Variants in HMSD observed in about 807,000 individuals in gnomAD.
HMSD encodes the protein serpin-like protein HMSD.
HMSD carries 13 observed loss-of-function variants against 10.0 expected under a neutral mutation model. The ratio of observed to expected loss-of-function variants is 1.31; its 90% CI spans 0.85 to 2.08. The LOEUF (loss-of-function observed/expected upper bound fraction) is 2.08, where lower values mean the gene tolerates loss of function less well. Ranked by LOEUF, HMSD falls within the 30% of genes most tolerant of loss-of-function variation. The pLI, the probability that HMSD is intolerant of heterozygous loss-of-function variation, is 0.00. For missense variants in HMSD, 169 were observed against 166.3 expected (o/e 1.02, Z -0.09); for synonymous variants, 51 against 54.2 (o/e 0.94, Z 0.26).
At chr18:63,963,046 T>TTTTCTTTC (rs148830154), downstream of HMSD, among the ~76,000 whole-genome samples, 3,901 of 124,612 alleles carry the variant, frequency 0.031, 397 homozygotes, top group African/African-American at 0.073. Context: ...TCAGATGTAG[T>TTTTCTTTC]TTTCTTTCTT....
chr18:63,957,474 A>G (rs1568259567), intron 3 of HMSD, among the ~76,000 whole-genome samples: 1 of 152,122 alleles, frequency 6.6e-6, no homozygotes, highest in Non-Finnish European at 1.5e-5. Flanking sequence ...ATTTTTGTAG[A>G]GGATATCTCT....
rs150399478 is a variant in HMSD at position 63,952,317 on chromosome 18, C to T, written c.-102-1037C>T. Among the ~76,000 whole-genome samples, 709 of 151,922 alleles carry T rather than the reference C, an allele frequency of 4.7e-3. 8 individuals carry two copies. The highest frequency in any genetic ancestry group is 0.017 in the African/African-American group (688 of 41,340). ...AAAAAAAGATCTCGCCTAGTGTTAT[C>T]TCACTTTTCAACTACATGCAAGTCC... On this transcript the variant is annotated intron_variant, in intron 1 of 3. Coordinates refer to ENST00000408945, the MANE Select transcript of HMSD (RefSeq NM_001123366.2).
chr18:63,950,946 C>T (rs557341304), intron 1 of HMSD, among the ~76,000 whole-genome samples: 1 of 152,188 alleles, frequency 6.6e-6, no homozygotes, highest in African/African-American at 2.4e-5. Context: ...TTAAAATAAG[C>T]ATTACCATCA....
At chr18:63,963,485 C>T (rs2050398926), downstream of HMSD, among the ~76,000 whole-genome samples, 2 of 152,164 alleles carry the variant, frequency 1.3e-5, no homozygotes, top group South Asian at 4.1e-4. Flanking sequence ...ACCTCGGCCT[C>T]CCAAAGTGCT....
chr18:63,952,800 A>G (rs1174751356), intron 1 of HMSD, among the ~76,000 whole-genome samples: 4 of 151,956 alleles, frequency 2.6e-5, no homozygotes, highest in Non-Finnish European at 1.5e-5. Context: ...CTACCCTTCC[A>G]CCATCCCTGT....
At chr18:63,950,172 T>G (rs1389556633) in intron 1 of HMSD, among the ~76,000 whole-genome samples, 1 of 152,024 alleles carries the variant, frequency 6.6e-6, no homozygotes, top group East Asian at 1.9e-4. Context: ...ATCCCAGCAC[T>G]TTGGGAGGCT....
downstream of HMSD, among the ~76,000 whole-genome samples, chr18:63,963,111 T>TTC (rs1215545649): frequency 9.7e-5 from 14 of 143,596 alleles, no homozygotes; most frequent in African/African-American, 3.5e-4. Flanking sequence ...CTTTCTTTCT[T>TTC]TCTTTCTTTC....
chr18:63,949,501 G>A (rs1166495342), intron 1 of HMSD, 101 bp downstream of exon 1: 1 of 152,398 alleles, frequency 6.6e-6, no homozygotes, highest in African/African-American at 2.4e-5. Flanking sequence ...GAAGCCCAGT[G>A]AAGTGCTCAG....
At chr18:63,950,107 A>C (rs1341919069) in intron 1 of HMSD, among the ~76,000 whole-genome samples, 2 of 152,172 alleles carry the variant, frequency 1.3e-5, no homozygotes, top group African/African-American at 4.8e-5. Flanking sequence ...AGAGTCCTTT[A>C]GTAAATTCAG....
chr18:63,951,672 T>C (rs2050331422), intron 1 of HMSD, among the ~76,000 whole-genome samples: 1 of 152,232 alleles, frequency 6.6e-6, no homozygotes, highest in Non-Finnish European at 1.5e-5. Context: ...TATTGATTAA[T>C]TGGCTTAGCA....
chr18:63,957,832 A>C (rs557714087), intron 3 of HMSD, among the ~76,000 whole-genome samples: 1 of 152,314 alleles, frequency 6.6e-6, no homozygotes, highest in East Asian at 1.9e-4. Context: ...AAACCATTTC[A>C]GATTAATTTA....
intron 3 of HMSD, chr18:63,968,739 T>C (rs962203820): frequency 2.6e-5 from 4 of 152,178 alleles, no homozygotes; most frequent in Admixed American, 2.0e-4. Context: ...AAGGAGAAAT[T>C]GATGCACAAT....
In HMSD at chr18:63,961,264, A is replaced by T. The variant is rs2050385223; in HGVS notation, c.*909A>T. The stretch of plus-strand genomic sequence containing the variant: ...ATTTCAATATGAATTATGAAAATGA[A>T]TGATAATGGTTTTATCTGTTATAGA... On this transcript the variant is annotated 3_prime_UTR_variant, in exon 4 of 4. Transcript: ENST00000408945. 2 of 152,162 alleles carry T rather than the reference A, an allele frequency of 1.3e-5. No homozygotes were observed. Among genetic ancestry groups the T allele is most frequent in the Non-Finnish European group, 1.5e-5 (1 of 68,032 alleles). The allele number at this position is 152,162 out of a possible 1,614,324, so 9.4% of individuals were successfully genotyped here.
intron 3 of HMSD, among the ~76,000 whole-genome samples, chr18:63,958,205 T>A (rs1352792708): frequency 2.6e-5 from 4 of 152,188 alleles, no homozygotes; most frequent in African/African-American, 4.8e-5. Flanking sequence ...AAGGTGATAT[T>A]TCATCAGGAC....
intron 3 of HMSD, among the ~76,000 whole-genome samples, chr18:63,956,858 T>A (rs2050361260): frequency 6.6e-6 from 1 of 152,156 alleles, no homozygotes; most frequent in Non-Finnish European, 1.5e-5. Flanking sequence ...TAAAAAAATG[T>A]GGTACATATA....
At chr18:63,965,489 A>G (rs967471860), downstream of HMSD, among the ~76,000 whole-genome samples, 63 of 152,358 alleles carry the variant, frequency 4.1e-4, no homozygotes, top group African/African-American at 1.4e-3. Context: ...CTGACGATTC[A>G]CTAATGAGGG....
chr18:63,954,503 T>A lies in HMSD; in HGVS notation c.168T>A (p.Tyr56Ter), dbSNP rs1251094887. Residue 56 changes from tyrosine to a stop codon, truncating the protein, a stop_gained, in exon 3 of 4, where the codon TAT becomes TAA. Transcript: ENST00000408945. LOFTEE classifies it high-confidence loss of function. ...LVAINRTDTE[Y>*]VLRTANGLFG... ...CAATTAACAGAACTGACACTGAATATGTGCTTAGAACTGCCAACGGGCTCT... is the reference window on the plus strand; with the variant it reads ...CAATTAACAGAACTGACACTGAATAAGTGCTTAGAACTGCCAACGGGCTCT... The A allele has an allele frequency of 3.1e-6, 5 of 1,613,740 alleles. No homozygotes were observed. The highest frequency in any genetic ancestry group is 4.2e-6 in the Non-Finnish European group (5 of 1,179,748).
chr18:63,968,441 A>G (rs907702820), intron 3 of HMSD: 8 of 152,152 alleles, frequency 5.3e-5, no homozygotes, highest in African/African-American at 1.9e-4. Flanking sequence ...CATCCACACT[A>G]TCTGTACCAC....
At chr18:63,955,774 A>G (rs975577321) in intron 3 of HMSD, among the ~76,000 whole-genome samples, 1 of 152,166 alleles carries the variant, frequency 6.6e-6, no homozygotes, top group African/African-American at 2.4e-5. Flanking sequence ...CAGCAGGGGA[A>G]CACACAGAGC....
Sources: allele counts gnomAD v4.1 joint callset (sites outside exome capture counted in the v4.1 genomes callset), GRCh38; gene constraint gnomAD v4.1.1; transcripts MANE v1.5; gene names NCBI Gene and HGNC (gene_info 2026-07-23, HGNC 2026-07-21).